The following CCSER1 variants were observed in gnomAD, a reference collection of about 807,000 sequenced individuals.
CCSER1 encodes the protein serine-rich coiled-coil domain-containing protein 1.
A neutral mutation model predicts 82.0 loss-of-function variants in CCSER1; 41 were observed. The observed-to-expected ratio is 0.50, with a 90% confidence interval of 0.39 to 0.65. The LOEUF (loss-of-function observed/expected upper bound fraction) is 0.65. Among genes scored for constraint, CCSER1 ranks in the 30% least tolerant of loss-of-function variants. The probability of loss-of-function intolerance (pLI) is 0.00; values close to 1 mark genes in which losing one functional copy is unlikely to be tolerated. For missense variants in CCSER1, 1,119 were observed against 1,064.2 expected, an observed-to-expected ratio of 1.05 and a Z score of -0.72; for synonymous variants, 414 against 383.9, an observed-to-expected ratio of 1.08 and a Z score of -0.92.
intron 10 of CCSER1, among the ~76,000 whole-genome samples, chr4:91,485,567 C>G (rs1268439874): frequency 6.6e-6 from 1 of 152,144 alleles, no homozygotes; most frequent in Non-Finnish European, 1.5e-5. Context: ...AGTGAACTCA[C>G]TTGTACTCTT....
intron 1 of CCSER1, among the ~76,000 whole-genome samples, chr4:90,199,378 A>G (rs1266862083): frequency 6.6e-6 from 1 of 152,148 alleles, no homozygotes; most frequent in African/African-American, 2.4e-5. Flanking sequence ...TTCTGGTAAT[A>G]TTTGCTGAAA....
At chr4:90,979,690 T>C (rs551982131) in intron 9 of CCSER1, among the ~76,000 whole-genome samples, 1 of 151,918 alleles carries the variant, frequency 6.6e-6, no homozygotes, top group East Asian at 2.0e-4. Context: ...TTCTGATAGA[T>C]TTAAATATCA....
In CCSER1 at chr4:90,212,682, A is replaced by G. The variant is rs139165978; in HGVS notation, c.-42+84851A>G. ...GGAGAGTTTGAAACTCCAAAAGAGTATAGATATATTGTATGTCTGATAATG... is the reference window on the plus strand; with the variant it reads ...GGAGAGTTTGAAACTCCAAAAGAGTGTAGATATATTGTATGTCTGATAATG... On this transcript the variant is annotated intron_variant, in intron 1 of 10. Coordinates refer to ENST00000509176, the MANE Select transcript of CCSER1 (RefSeq NM_001145065.2). Among the ~76,000 whole-genome samples, 1,386 of 152,340 alleles carry G rather than the reference A, an allele frequency of 9.1e-3. 18 individuals are homozygous for G. The highest frequency in any genetic ancestry group is 0.049 in the South Asian group (235 of 4,822).
intron 3 of CCSER1, among the ~76,000 whole-genome samples, chr4:90,395,337 A>T (rs1461379138): frequency 6.6e-6 from 1 of 152,214 alleles, no homozygotes; most frequent in Non-Finnish European, 1.5e-5. Context: ...ATTAAAACTG[A>T]TTACAAATGT....
At chr4:91,513,966 T>C (rs770849934) in intron 10 of CCSER1, among the ~76,000 whole-genome samples, 1 of 152,160 alleles carries the variant, frequency 6.6e-6, no homozygotes, top group Non-Finnish European at 1.5e-5. Context: ...TCAATTCTGC[T>C]CTGATTTCAG....
chr4:91,093,060 A>G (rs1256539103), intron 10 of CCSER1, among the ~76,000 whole-genome samples: 2 of 152,204 alleles, frequency 1.3e-5, no homozygotes, highest in Non-Finnish European at 2.9e-5. Context: ...AGAAAGGCAT[A>G]TCAAGAGTCA....
At chr4:91,009,180 A>C (rs757951865) in intron 9 of CCSER1, among the ~76,000 whole-genome samples, 12 of 152,180 alleles carry the variant, frequency 7.9e-5, no homozygotes, top group Non-Finnish European at 1.3e-4. Context: ...CTCCAGCCTT[A>C]ACAAACACAG....
chr4:90,631,706 T>G (rs944162338), intron 6 of CCSER1, among the ~76,000 whole-genome samples: 3 of 152,166 alleles, frequency 2.0e-5, no homozygotes, highest in East Asian at 1.9e-4. Flanking sequence ...TAAATAAATA[T>G]ACAGGTCGAG....
chr4:90,732,056 T>TCTCTCTCTCTCTCTCTCA (rs761678318), intron 7 of CCSER1, among the ~76,000 whole-genome samples: 3,754 of 144,124 alleles, frequency 0.026, 75 homozygotes, highest in Non-Finnish European at 0.037. Context: ...TCTCTCTCTC[T>TCTCTCTCTCTCTCTCTCA]CTCTCACTGC....
chr4:90,234,228 T>G (rs1560847960), intron 1 of CCSER1, among the ~76,000 whole-genome samples: 11 of 151,728 alleles, frequency 7.2e-5, no homozygotes. Context: ...TTTTTTTTTT[T>G]CTTTTGAGAT....
At chr4:91,030,011 CATTA>C (rs1740833194) in intron 9 of CCSER1, among the ~76,000 whole-genome samples, 1 of 144,716 alleles carries the variant, frequency 6.9e-6, no homozygotes, top group Admixed American at 7.0e-5. Flanking sequence ...ATCTATTAAT[CATTA>C]ATTAAAAATA....
intron 10 of CCSER1, among the ~76,000 whole-genome samples, chr4:91,497,377 T>C (rs1488213037): frequency 1.3e-5 from 2 of 151,740 alleles, no homozygotes; most frequent in Admixed American, 1.3e-4. Context: ...TGCTAAGATG[T>C]CCACATTTTT....
At chr4:91,386,939 T>C (rs953110444) in intron 10 of CCSER1, among the ~76,000 whole-genome samples, 17 of 151,982 alleles carry the variant, frequency 1.1e-4, no homozygotes, top group African/African-American at 4.1e-4. Context: ...TGAGGAAATG[T>C]TCCAGATTTA....
chr4:91,408,425 A>G (rs773156407), intron 10 of CCSER1, among the ~76,000 whole-genome samples: 15 of 152,214 alleles, frequency 9.9e-5, no homozygotes, highest in Non-Finnish European at 2.2e-4. Context: ...AGGTGGTTAT[A>G]TCAGCCAGCC....
intron 1 of CCSER1, among the ~76,000 whole-genome samples, chr4:90,230,460 G>A (rs1295911166): frequency 4.6e-5 from 7 of 151,186 alleles, no homozygotes; most frequent in Non-Finnish European, 8.9e-5. Flanking sequence ...TCTCTGGGAT[G>A]CATTCAAAGC....
chr4:91,144,314 T>A (rs1356603541), intron 10 of CCSER1, among the ~76,000 whole-genome samples: 1 of 151,642 alleles, frequency 6.6e-6, no homozygotes, highest in Non-Finnish European at 1.5e-5. Context: ...ATAGTGTCAT[T>A]TTTGTTGTTT....
chr4:90,230,439 A>G lies in CCSER1; in HGVS notation c.-41-77805A>G, dbSNP rs946616646. On this transcript the variant is annotated intron_variant, in intron 1 of 10. Coordinates refer to ENST00000509176, the MANE Select transcript of CCSER1 (RefSeq NM_001145065.2). ...TGAAACCAACGAGAACAAAGACACA[A>G]CATACCAGAATCTCTGGGATGCATT... Among the ~76,000 whole-genome samples the G allele has an allele frequency of 5.3e-4, 81 of 151,532 alleles. 1 individual carries two copies. The highest frequency in any genetic ancestry group is 8.9e-4 in the Non-Finnish European group (60 of 67,482).
intron 5 of CCSER1, among the ~76,000 whole-genome samples, chr4:90,509,958 T>C (rs539287096): frequency 5.2e-4 from 79 of 152,332 alleles, no homozygotes; most frequent in African/African-American, 1.7e-3. Context: ...TTATGGGACA[T>C]AGTGATTAAA....
chr4:90,196,058 G>T (rs1325550036), intron 1 of CCSER1, among the ~76,000 whole-genome samples: 2 of 150,866 alleles, frequency 1.3e-5, no homozygotes, highest in Non-Finnish European at 2.9e-5. Flanking sequence ...CACTGCTCCA[G>T]GCACAAAATG....
Sources: gnomAD v4.1 joint callset for allele counts (sites outside exome capture counted in the v4.1 genomes callset) on GRCh38, gnomAD v4.1.1 for gene constraint, MANE v1.5 for transcripts, NCBI Gene and HGNC (gene_info 2026-07-23, HGNC 2026-07-21) for gene names.